HERC2: variants seen among roughly 807,000 people sequenced by gnomAD.
HERC2 encodes HECT and RLD domain containing E3 ubiquitin protein ligase 2, also known as E3 ubiquitin-protein ligase HERC2.
HERC2 carries 102 observed loss-of-function variants against 537.7 expected under a neutral mutation model. The observed-to-expected ratio is 0.19, with a 90% CI of 0.16 to 0.22. HERC2 has a LOEUF of 0.22. Among genes scored for constraint, HERC2 ranks in the 10% least tolerant of loss-of-function variants. The pLI, the probability that HERC2 is intolerant of heterozygous loss-of-function variation, is 1.00. For synonymous variants in HERC2, 2,224 were observed against 2,466.2 expected (o/e 0.90, Z 2.91); for missense variants, 4,236 against 6,198.2 (o/e 0.68, Z 10.63).
chr15:28,116,448 C>T (rs960146712), intron 88 of HERC2, among the ~76,000 whole-genome samples: 7 of 152,110 alleles, frequency 4.6e-5, no homozygotes, highest in Admixed American at 6.5e-5. Context: ...AACTCCTGAC[C>T]TCAGGCAATC....
In HERC2 at chr15:28,256,183, C is replaced by T. The variant is rs767947119; in HGVS notation, c.2652G>A (p.Ser884=). The stretch of plus-strand genomic sequence containing the variant: ...CACTCTGCAGCACGGCCTGGGCGGC[C>T]GACTGCACGGTGCTCAGCACGCCCG... ...SSAGVLSTVQ[S]AAQAVLQSGW... The change falls in exon 18 of 93, where the codon TCG becomes TCA. Residue 884 remains serine (S), a synonymous_variant. Coordinates refer to ENST00000261609, the MANE Select transcript of HERC2 (RefSeq NM_004667.6). The T allele has an allele frequency of 1.1e-5, 18 of 1,601,290 alleles. No homozygotes were observed. The highest frequency in any genetic ancestry group is 8.0e-5 in the African/African-American group (6 of 74,900).
chr15:28,174,879 T>C (rs207475349), intron 64 of HERC2, among the ~76,000 whole-genome samples: 2 of 152,100 alleles, frequency 1.3e-5, no homozygotes, highest in African/African-American at 4.8e-5. Flanking sequence ...TTCTGCTTTG[T>C]TGCAAGACAC....
chr15:28,179,971 A>G (rs1895673371), intron 57 of HERC2, among the ~76,000 whole-genome samples: 10 of 152,236 alleles, frequency 6.6e-5, no homozygotes, highest in Admixed American at 5.9e-4. Flanking sequence ...TATTAAAGAA[A>G]GAAAAATATT....
intron 57 of HERC2, among the ~76,000 whole-genome samples, chr15:28,181,269 T>C (rs754442104): frequency 6.6e-6 from 1 of 152,180 alleles, no homozygotes; most frequent in Non-Finnish European, 1.5e-5. Context: ...GAAAACTCCA[T>C]GTAAGGCAGT....
chr15:28,233,302 C>T lies in HERC2; in HGVS notation c.4519G>A (p.Ala1507Thr), dbSNP rs1184583478. ...AATCTCAAACGTTCGATGACAGGAG[C>T]GCAGACCTCCTTGTAAGAACGGCCC... is the stretch of plus-strand genomic sequence containing the variant. ...EQGRSYKEVC[A>T]PVIERLRFLF... The change falls in exon 30 of 93, where the codon GCT becomes ACT. Residue 1507 changes from alanine to threonine, a missense_variant. Coordinates refer to ENST00000261609, the MANE Select transcript of HERC2 (RefSeq NM_004667.6). 5.9e-6 allele frequency: 9 copies of T among 1,533,952 alleles called. No individual in the cohort carries two copies. The Admixed American group carries it at 6.7e-5, about 11-fold the overall frequency.
In HERC2 at chr15:28,233,291, G is replaced by T. The variant is rs1228644014; in HGVS notation, c.4530C>A (p.Ile1510=). 16 of 1,545,470 alleles carry T rather than the reference G, an allele frequency of 1.0e-5. No individual in the cohort carries two copies. The highest frequency in any genetic ancestry group is 1.3e-5 in the Non-Finnish European group (15 of 1,121,292). Reference sequence around the variant, plus strand: ...CATTAAAGAGGAATCTCAAACGTTCGATGACAGGAGCGCAGACCTCCTTGT... The same window carrying T: ...CATTAAAGAGGAATCTCAAACGTTCTATGACAGGAGCGCAGACCTCCTTGT... ...RSYKEVCAPV[I]ERLRFLFNEL... is the part of the protein sequence containing the mutation. Residue 1510 remains isoleucine, a synonymous_variant, in exon 30 of 93, where the codon ATC becomes ATA. Coordinates refer to ENST00000261609, the MANE Select transcript of HERC2 (RefSeq NM_004667.6).
intron 82 of HERC2, 60 bp from the exon 83 acceptor site, chr15:28,130,362 C>CG: frequency 2.5e-6 from 4 of 1,610,752 alleles, no homozygotes; most frequent in Admixed American, 1.7e-5. Flanking sequence ...CCACCCTGAC[C>CG]AGCCTCCTGG....
chr15:28,194,321 C>G (rs971021236), intron 52 of HERC2, among the ~76,000 whole-genome samples: 1 of 148,260 alleles, frequency 6.7e-6, no homozygotes, highest in Non-Finnish European at 1.5e-5. Flanking sequence ...CGCCTCGCCT[C>G]CAAAAGTGCT....
chr15:28,113,196 A>G lies in HERC2; in HGVS notation c.14107T>C (p.Trp4703Arg), dbSNP rs1887839502. ...AAGGACTCCATCACCTCCCAGAACC[A>G]CTGGATCAGCGATGCGGAAGGCTCG... ...GIEPSASLIQ[W>R]FWEVMESFSN... The change falls in exon 92 of 93, where the codon TGG (tryptophan) becomes CGG (arginine). Residue 4703 changes from tryptophan (W) to arginine (R), a missense_variant. Physicochemically the swap from Trp to Arg is moderately radical, Grantham distance 101. Around this residue, in one of 27 missense-constraint regions of HERC2, gnomAD observed 313 missense variants for 462.6 expected, o/e 0.68. Coordinates refer to ENST00000261609, the MANE Select transcript of HERC2 (RefSeq NM_004667.6). The surrounding 1 kb of genome is among the most constrained non-coding windows in gnomAD (Gnocchi z 7.0). The G allele has an allele frequency of 6.2e-7, 1 of 1,613,990 alleles. No individual in the cohort carries two copies. Among genetic ancestry groups the G allele is most frequent in the East Asian group, 2.2e-5 (1 of 44,896 alleles).
At chr15:28,301,031 A>C (rs58762968) in intron 2 of HERC2, among the ~76,000 whole-genome samples, 12 of 151,438 alleles carry the variant, frequency 7.9e-5, no homozygotes, top group Non-Finnish European at 1.5e-4. Flanking sequence ...ACCATTTCCC[A>C]ATAAAAGACG....
chr15:28,192,093 G>C lies in HERC2; in HGVS notation c.8319C>G (p.Ser2773Arg). Residue 2773 changes from serine to arginine, a missense_variant, in exon 53 of 93, where the codon AGC becomes AGG. Ser to Arg is a moderately radical substitution (Grantham distance 110). Around this residue, in one of 27 missense-constraint regions of HERC2, gnomAD observed 606 missense variants for 884.5 expected, o/e 0.69. Transcript: ENST00000261609. ...AGCTGTCCAGCAGCATGCCTGGCTG[G>C]CTGCTGTGGCAACGCTTCAGCTGTT... ...SGKQLKRCHS[S>R]QPGMLLDSWS... 3.1e-6 allele frequency: 5 copies of C among 1,614,010 alleles called. No homozygotes were observed. The highest frequency in any genetic ancestry group is 4.2e-6 in the Non-Finnish European group (5 of 1,180,026).
At chr15:28,221,908 GTGTCA>G (rs1316365694) in intron 36 of HERC2, 115 bp downstream of exon 36, 1 of 886,072 alleles carries the variant, frequency 1.1e-6, no homozygotes, top group African/African-American at 1.6e-5. Context: ...ACCAACACCT[GTGTCA>G]TCAATCAACT....
intron 2 of HERC2, among the ~76,000 whole-genome samples, chr15:28,319,138 T>G (rs1472529333): frequency 2.0e-5 from 3 of 152,082 alleles, no homozygotes; most frequent in African/African-American, 7.2e-5. Flanking sequence ...ACACCACCAT[T>G]CATTCCTTGT....
At chr15:28,273,169 A>T (rs1044727116) in intron 7 of HERC2, 165 bp from the exon 8 acceptor site, 1 of 639,272 alleles carries the variant, frequency 1.6e-6, no homozygotes, top group Non-Finnish European at 2.8e-6. Flanking sequence ...TTCAGAGATT[A>T]TAAGTGTACA....
chr15:28,132,524 C>T (rs1371117679), intron 80 of HERC2, 129 bp downstream of exon 80: 3 of 958,114 alleles, frequency 3.1e-6, no homozygotes, highest in East Asian at 3.0e-5. Context: ...TCACTTCTTG[C>T]ACCCAAAAAT....
At chr15:28,171,153 C>T (rs772649227) in intron 65 of HERC2, among the ~76,000 whole-genome samples, 3 of 152,136 alleles carry the variant, frequency 2.0e-5, no homozygotes, top group East Asian at 3.9e-4. Flanking sequence ...CTTATTTTCA[C>T]GTAAAGTAAA....
intron 30 of HERC2, among the ~76,000 whole-genome samples, chr15:28,232,058 C>T (rs1901917557): frequency 6.6e-6 from 1 of 152,092 alleles, no homozygotes; most frequent in African/African-American, 2.4e-5. Flanking sequence ...CTGTGACTTC[C>T]GGATCCAGAG....
chr15:28,119,626 G>C (rs1471875057), intron 86 of HERC2, among the ~76,000 whole-genome samples: 2 of 151,618 alleles, frequency 1.3e-5, no homozygotes, highest in African/African-American at 4.8e-5. Context: ...GCTAATTTTT[G>C]TATTTTTTGT....
chr15:28,296,225 C>CTTTGGCTCA (rs1567133030), intron 3 of HERC2, among the ~76,000 whole-genome samples: 1 of 152,054 alleles, frequency 6.6e-6, no homozygotes, highest in Non-Finnish European at 1.5e-5. Context: ...CCTGTAAACC[C>CTTTGGCTCA]CACACTTTGG....
Sources: gnomAD v4.1 joint callset for allele counts (sites outside exome capture counted in the v4.1 genomes callset) on GRCh38, gnomAD v4.1.1 for gene constraint, gnomAD v4.1.1 regional missense constraint, Gnocchi (gnomAD v3.1) non-coding constraint, MANE v1.5 for transcripts, NCBI Gene and HGNC (gene_info 2026-07-23, HGNC 2026-07-21) for gene names.